Variants in RFX7 observed in about 807,000 individuals in gnomAD.
RFX7 encodes the protein DNA-binding protein RFX7.
In RFX7, 26 loss-of-function variants were observed where a neutral mutation model predicts 111.8. That is an observed-to-expected ratio of 0.23 (90% CI 0.17 to 0.32). The LOEUF is 0.32. RFX7 is among the 10% of genes least tolerant of loss of function. The pLI is 1.00. For synonymous variants in RFX7, 624 were observed against 624.4 expected (o/e 1.00, Z 0.01); for missense variants, 1,573 against 1,772.9 (o/e 0.89, Z 2.02).
At chr15:56,104,487 C>T (rs1319576413) in intron 5 of RFX7, among the ~76,000 whole-genome samples, 2 of 152,164 alleles carry the variant, frequency 1.3e-5, no homozygotes, top group African/African-American at 4.8e-5. Flanking sequence ...CTTGTCTCCG[C>T]CTCACCTCTC....
intron 2 of RFX7, among the ~76,000 whole-genome samples, chr15:56,228,066 A>G (rs759638478): frequency 3.9e-5 from 6 of 152,032 alleles, no homozygotes; most frequent in African/African-American, 9.7e-5. Flanking sequence ...TCTCAGTTCA[A>G]ATATGATATA....
chr15:56,184,730 T>C (rs1335518466), intron 2 of RFX7, among the ~76,000 whole-genome samples: 1 of 152,210 alleles, frequency 6.6e-6, no homozygotes, highest in African/African-American at 2.4e-5. Flanking sequence ...GCTCAGTGGT[T>C]CAAACGTTAT....
At chr15:56,169,978 G>C (rs1344026025) in intron 3 of RFX7, among the ~76,000 whole-genome samples, 1 of 151,828 alleles carries the variant, frequency 6.6e-6, no homozygotes, top group Non-Finnish European at 1.5e-5. Flanking sequence ...GGCAAACCAG[G>C]AGTAACTCCC....
chr15:56,159,766 A>G (rs2042699335), intron 3 of RFX7, among the ~76,000 whole-genome samples: 1 of 152,214 alleles, frequency 6.6e-6, no homozygotes, highest in African/African-American at 2.4e-5. Flanking sequence ...AATACATACC[A>G]GATGGACTAC....
At chr15:56,164,627 T>G (rs2042762453) in intron 3 of RFX7, among the ~76,000 whole-genome samples, 1 of 152,228 alleles carries the variant, frequency 6.6e-6, no homozygotes, top group African/African-American at 2.4e-5. Context: ...ACCAACAGAC[T>G]GCTTGCACTG....
At chr15:56,150,674 A>C (rs1251009606) in intron 3 of RFX7, among the ~76,000 whole-genome samples, 1 of 152,232 alleles carries the variant, frequency 6.6e-6, no homozygotes, top group Non-Finnish European at 1.5e-5. Flanking sequence ...AAAGGATCAC[A>C]ACCCCTCGCC....
intron 2 of RFX7, among the ~76,000 whole-genome samples, chr15:56,217,822 A>C (rs1269585694): frequency 6.6e-6 from 1 of 152,252 alleles, no homozygotes; most frequent in Non-Finnish European, 1.5e-5. Flanking sequence ...ATGAAATGAC[A>C]GTAATCCATA....
At chr15:56,198,139 A>G (rs1226521372) in intron 2 of RFX7, among the ~76,000 whole-genome samples, 3 of 152,142 alleles carry the variant, frequency 2.0e-5, no homozygotes, top group Non-Finnish European at 4.4e-5. Context: ...GATATACTGT[A>G]TTTGCTGCTA....
chr15:56,176,543 C>T (rs548030202), intron 3 of RFX7, among the ~76,000 whole-genome samples: 1 of 152,156 alleles, frequency 6.6e-6, no homozygotes, highest in South Asian at 2.1e-4. Flanking sequence ...AAAAAACAAG[C>T]AAACAAAACT....
Position 56,176,485 on chromosome 15 carries a change from G to A in RFX7, c.195+2785C>T, listed in dbSNP as rs1349908026. ...ACAGGCAGACATTAATATAATTAAT[G>A]GCTGATGTCCAAAATGTAATGGATT... On this transcript the variant is annotated intron_variant, in intron 3 of 9. Transcript: ENST00000559447. Among the ~76,000 whole-genome samples the A allele has an allele frequency of 2.0e-5, 3 of 152,016 alleles. No individual in the cohort carries two copies. The East Asian group carries it at 5.8e-4, about 29-fold the overall frequency.
At chr15:56,123,582 A>G (rs2042104820) in intron 5 of RFX7, among the ~76,000 whole-genome samples, 1 of 152,146 alleles carries the variant, frequency 6.6e-6, no homozygotes, top group African/African-American at 2.4e-5. Flanking sequence ...TGGTGTCTCA[A>G]TAGGTGGTAT....
rs373879387 is a variant in RFX7, at chr15:56,096,470, C to T, written c.1258G>A (p.Gly420Ser). Residue 420 changes from glycine (G) to serine (S), a missense_variant, in exon 10 of 10, where the codon GGT becomes AGT. Coordinates refer to ENST00000559447, the MANE Select transcript of RFX7 (RefSeq NM_022841.7). ...CGGTGCCGGGCAGAACGATCCCCAC[C>T]AGGACTGGCTGGAACGTTCTGGGGA... ...KTPQNVPASP[G>S]GDRSARHRYP... 184 of 1,611,456 alleles carry T rather than the reference C, an allele frequency of 1.1e-4. 1 individual carries two copies. Among genetic ancestry groups the T allele is most frequent in the Middle Eastern group, 1.6e-4 (1 of 6,084 alleles).
chr15:56,244,803 G>A (rs1301749293), upstream of RFX7, among the ~76,000 whole-genome samples: 2 of 139,540 alleles, frequency 1.4e-5, no homozygotes, highest in Admixed American at 1.4e-4. Flanking sequence ...CCCTCCCCCC[G>A]CAGACTCCGC....
intron 5 of RFX7, among the ~76,000 whole-genome samples, chr15:56,117,471 T>G (rs1266370682): frequency 6.6e-6 from 1 of 152,156 alleles, no homozygotes; most frequent in Non-Finnish European, 1.5e-5. Flanking sequence ...TCTATCATCT[T>G]AAACATCTGT....
intron 2 of RFX7, among the ~76,000 whole-genome samples, chr15:56,190,727 G>A (rs559211967): frequency 6.6e-6 from 1 of 152,288 alleles, no homozygotes; most frequent in South Asian, 2.1e-4. Flanking sequence ...TACACATGAA[G>A]AGCTTCCTAT....
chr15:56,134,238 T>C (rs2042258970), intron 5 of RFX7, among the ~76,000 whole-genome samples: 1 of 152,108 alleles, frequency 6.6e-6, no homozygotes, highest in African/African-American at 2.4e-5. Flanking sequence ...TTTTCATCTA[T>C]AAAAAGAGGA....
intron 2 of RFX7, among the ~76,000 whole-genome samples, chr15:56,201,970 G>T (rs1011621332): frequency 4.6e-5 from 7 of 152,148 alleles, no homozygotes; most frequent in Non-Finnish European, 7.4e-5. Flanking sequence ...GGCAGAGCTT[G>T]CAGTGAGCTG....
chr15:56,090,685 T>A lies in RFX7; in HGVS notation c.*2660A>T, dbSNP rs2041585476. On this transcript the variant is annotated 3_prime_UTR_variant, in exon 10 of 10. Transcript: ENST00000559447. Reference sequence around the variant, plus strand: ...AACAGACAACAAAACACTGGGGAAATCTGACTTTTTGCACTAAATGAAACA... The same window carrying A: ...AACAGACAACAAAACACTGGGGAAAACTGACTTTTTGCACTAAATGAAACA... The A allele has an allele frequency of 1.3e-5, 2 of 152,556 alleles. No individual in the cohort carries two copies. Among genetic ancestry groups the A allele is most frequent in the East Asian group, 3.8e-4 (2 of 5,200 alleles). 9.5% of individuals were successfully genotyped at this position (152,556 alleles called of 1,614,324 possible). A position where few individuals can be genotyped will look rare whatever the true frequency, so the allele number is the denominator to read the frequency against.
intron 3 of RFX7, among the ~76,000 whole-genome samples, chr15:56,161,263 C>T (rs1253400212): frequency 1.3e-5 from 2 of 151,968 alleles, no homozygotes; most frequent in East Asian, 3.9e-4. Context: ...TAAAAACAAG[C>T]TAAACAATAA....
Sources: allele counts gnomAD v4.1 joint callset (sites outside exome capture counted in the v4.1 genomes callset), GRCh38; gene constraint gnomAD v4.1.1; transcripts MANE v1.5; gene names NCBI Gene and HGNC (gene_info 2026-07-23, HGNC 2026-07-21).